The following BTD variants were observed in gnomAD, a reference collection of about 807,000 sequenced individuals.
BTD encodes biotinidase, also known as biocytinase.
Under a neutral mutation model 17.7 loss-of-function variants are expected in BTD, and 13 were observed. The observed-to-expected ratio is 0.74, with a 90% CI of 0.48 to 1.17. The LOEUF (loss-of-function observed/expected upper bound fraction) is 1.17, where lower values mean the gene tolerates loss of function less well. BTD is among the 50% of genes most tolerant of loss of function. The pLI, the probability that BTD is intolerant of heterozygous loss-of-function variation, is 0.00. For missense variants in BTD, 674 were observed against 650.4 expected (o/e 1.04, Z -0.39); for synonymous variants, 240 against 245.2 (o/e 0.98, Z 0.20).
At chr3:15,697,697 T>C (rs2455815) in intron 3 of BTD, among the ~76,000 whole-genome samples, 102,793 of 151,970 alleles carry the variant, frequency 0.68, 35,328 homozygotes, top group East Asian at 0.91. Context: ...ATCAGGGATA[T>C]TGGCCTAAAA....
rs141030199 is a variant in BTD at position 15,701,002 on chromosome 3, C to T, written c.400-9058C>T. ...TGATAATTTGTTTGGTATTCAAATA[C>T]GTCTACCCAAATATTAAACTACCTG... On this transcript the variant is annotated intron_variant, in intron 3 of 3. Transcript: ENST00000672141. Among the ~76,000 whole-genome samples, 5 of 152,218 alleles carry T rather than the reference C, an allele frequency of 3.3e-5. No individual in the cohort carries two copies. The East Asian group carries it at 7.7e-4, about 24-fold the overall frequency.
At chr3:15,621,654 C>T (rs1300919368) in intron 1 of BTD, among the ~76,000 whole-genome samples, 1 of 151,848 alleles carries the variant, frequency 6.6e-6, no homozygotes, top group Non-Finnish European at 1.5e-5. Flanking sequence ...GGCTGGAGTG[C>T]AATGGTGCGA....
chr3:15,638,924 T>A (rs1389450261), intron 2 of BTD, among the ~76,000 whole-genome samples: 1 of 152,250 alleles, frequency 6.6e-6, no homozygotes, highest in Non-Finnish European at 1.5e-5. Flanking sequence ...TATAATCTTA[T>A]GGGACCACCA....
intron 3 of BTD, among the ~76,000 whole-genome samples, chr3:15,671,239 G>GT (rs1484610097): frequency 6.6e-6 from 1 of 151,956 alleles, no homozygotes; most frequent in East Asian, 1.9e-4. Context: ...GACCTTAGTC[G>GT]TAAGTTACCA....
intron 3 of BTD, among the ~76,000 whole-genome samples, chr3:15,680,750 C>G (rs1284555428): frequency 6.6e-6 from 1 of 151,414 alleles, no homozygotes; most frequent in East Asian, 1.9e-4. Flanking sequence ...TCTGCAGTCT[C>G]AACCTCCTGG....
chr3:15,717,889 A>C (rs2073257637), intron 4 of BTD, among the ~76,000 whole-genome samples: 1 of 152,240 alleles, frequency 6.6e-6, no homozygotes, highest in Admixed American at 6.5e-5. Flanking sequence ...ACTTAAATTC[A>C]CATTCCAATT....
intron 1 of BTD, among the ~76,000 whole-genome samples, chr3:15,627,218 T>A (rs778898165): frequency 4.6e-5 from 7 of 152,140 alleles, no homozygotes; most frequent in Non-Finnish European, 7.4e-5. Context: ...CTCCACAGGT[T>A]CTCAGAAGCT....
At chr3:15,679,639 T>A in intron 3 of BTD, 1 of 1,155,530 alleles carries the variant, frequency 8.7e-7, no homozygotes, top group Non-Finnish European at 1.3e-6. Flanking sequence ...TGTAAGTGTT[T>A]AAAGGAAAAA....
In BTD at chr3:15,646,139, C is replaced by G. The variant is rs1444680942; in HGVS notation, c.*651C>G. On this transcript the variant is annotated 3_prime_UTR_variant, in exon 4 of 4. Transcript: ENST00000643237. ...TCTGTCAGTAAATGGAATGTGTAGG[C>G]AGGACCTGGAATAACTGGAGAGAGT... 1.3e-5 allele frequency: 2 copies of G among 152,164 alleles called. No homozygotes were observed. Among genetic ancestry groups the G allele is most frequent in the African/African-American group, 4.8e-5 (2 of 41,384 alleles). 9.4% of individuals were successfully genotyped at this position (152,164 alleles called of 1,614,324 possible). A position where few individuals can be genotyped will look rare whatever the true frequency, so the allele number is the denominator to read the frequency against.
In BTD at chr3:15,611,034, G is replaced by GT. The variant is rs528781561; in HGVS notation, c.-17+9141dup. ...TGAACAATGCATAATTTTTTTTAGC[G>GT]TAAGTATGTTCCAACATATTTATCT... On this transcript the variant is annotated intron_variant, in intron 1 of 3. Coordinates refer to ENST00000643237, the MANE Select transcript of BTD (RefSeq NM_001370658.1). 1.0e-3 allele frequency among the ~76,000 whole-genome samples: 156 copies of GT among 150,780 alleles called. 1 individual carries two copies. The highest frequency in any genetic ancestry group is 3.2e-3 in the African/African-American group (133 of 41,122).
chr3:15,606,365 C>G (rs1388525519), intron 1 of BTD: 4 of 152,172 alleles, frequency 2.6e-5, no homozygotes, highest in Non-Finnish European at 5.9e-5. Flanking sequence ...GTTTTCATGC[C>G]AGAAGCATGA....
rs892390699 is a variant in BTD, at chr3:15,650,917, G to A, written c.*5429G>A. Among the ~76,000 whole-genome samples the A allele has an allele frequency of 8.5e-5, 13 of 152,108 alleles. No individual in the cohort carries two copies. Among genetic ancestry groups the A allele is most frequent in the Admixed American group, 5.2e-4 (8 of 15,274 alleles). The stretch of plus-strand genomic sequence containing the variant: ...TCCGAGTAGCTGGGACTACAGGCAC[G>A]TGCCACCACGCCCAGCTAATTTTTT... On this transcript the variant is annotated 3_prime_UTR_variant, in exon 4 of 4. Transcript: ENST00000643237.
downstream of BTD, among the ~76,000 whole-genome samples, chr3:15,716,136 C>T (rs931116201): frequency 2.6e-5 from 4 of 151,658 alleles, no homozygotes; most frequent in Non-Finnish European, 4.4e-5. Flanking sequence ...GCATGCACCA[C>T]CATGCCCAGC....
chr3:15,685,762 T>C (rs756190861), intron 3 of BTD, among the ~76,000 whole-genome samples: 1 of 152,204 alleles, frequency 6.6e-6, no homozygotes. Flanking sequence ...AAAAGTCAAA[T>C]TGACATTAAT....
chr3:15,678,433 A>ATGCTGT, intron 3 of BTD: 1 of 1,396,386 alleles, frequency 7.2e-7, no homozygotes, highest in Non-Finnish European at 9.7e-7. Context: ...AATTTGTGAC[A>ATGCTGT]TGCTGTTTTT....
At chr3:15,622,136 T>C (rs530448729) in intron 1 of BTD, among the ~76,000 whole-genome samples, 1 of 152,186 alleles carries the variant, frequency 6.6e-6, no homozygotes, top group Non-Finnish European at 1.5e-5. Flanking sequence ...TCTATTGATC[T>C]CCTGCTTTAC....
chr3:15,704,213 C>T (rs1453809722), intron 3 of BTD, among the ~76,000 whole-genome samples: 1 of 151,956 alleles, frequency 6.6e-6, no homozygotes, highest in Non-Finnish European at 1.5e-5. Context: ...AAAATAAAGA[C>T]ACTTCAGAGG....
At chr3:15,686,428 C>T in intron 3 of BTD, 1 of 780,572 alleles carries the variant, frequency 1.3e-6, no homozygotes, top group South Asian at 1.8e-5. Context: ...ATTTAATATG[C>T]AAGAATGAAA....
intron 4 of BTD, chr3:15,721,028 C>A (rs1397837864): frequency 3.7e-6 from 6 of 1,613,742 alleles, no homozygotes; most frequent in East Asian, 2.2e-5. Flanking sequence ...TTTTGATTCA[C>A]AATAGCACCA....
Sources: allele counts gnomAD v4.1 joint callset (sites outside exome capture counted in the v4.1 genomes callset), GRCh38; gene constraint gnomAD v4.1.1; transcripts MANE v1.5; gene names NCBI Gene and HGNC (gene_info 2026-07-23, HGNC 2026-07-21).